The following CAMK1D variants were observed in gnomAD, a reference collection of about 807,000 sequenced individuals.
The protein encoded by CAMK1D is calcium/calmodulin-dependent protein kinase type 1D.
CAMK1D carries 9 observed loss-of-function variants against 47.7 expected under a neutral mutation model. The ratio of observed to expected loss-of-function variants is 0.19; its 90% CI spans 0.11 to 0.33. The LOEUF (loss-of-function observed/expected upper bound fraction) is 0.33, where lower values mean the gene tolerates loss of function less well. Ranked by LOEUF, CAMK1D falls within the 10% of genes least tolerant of loss-of-function variation. The pLI is 1.00. For missense variants in CAMK1D, 291 were observed against 488.7 expected (o/e 0.60, Z 3.81); for synonymous variants, 184 against 184.9 (o/e 0.99, Z 0.04).
chr10:12,660,720 A>G (rs1840250835), intron 2 of CAMK1D, among the ~76,000 whole-genome samples: 1 of 152,220 alleles, frequency 6.6e-6, no homozygotes, highest in Non-Finnish European at 1.5e-5. Context: ...GTGTCAGCTC[A>G]TGCTTACTTT....
At chr10:12,442,000 A>G (rs191817444) in intron 1 of CAMK1D, among the ~76,000 whole-genome samples, 8 of 152,310 alleles carry the variant, frequency 5.3e-5, no homozygotes, top group Admixed American at 1.3e-4. Flanking sequence ...TTCTTGCACA[A>G]TAATGTGGGG....
At chr10:12,569,627 G>A (rs1279615053) in intron 2 of CAMK1D, among the ~76,000 whole-genome samples, 1 of 147,246 alleles carries the variant, frequency 6.8e-6, no homozygotes, top group Non-Finnish European at 1.5e-5. Flanking sequence ...GCTGAGGCAG[G>A]AGAATGGCGT....
intron 2 of CAMK1D, among the ~76,000 whole-genome samples, chr10:12,597,041 G>A (rs1188980993): frequency 6.6e-6 from 1 of 151,958 alleles, no homozygotes; most frequent in Non-Finnish European, 1.5e-5. Context: ...AACGTTTATT[G>A]AGCCCCTTCA....
intron 2 of CAMK1D, among the ~76,000 whole-genome samples, chr10:12,598,996 G>A (rs1838225376): frequency 6.6e-6 from 1 of 152,156 alleles, no homozygotes; most frequent in South Asian, 2.1e-4. Flanking sequence ...GAGTAATGAT[G>A]CACGAGAATG....
chr10:12,817,334 T>A (rs1049793849), intron 8 of CAMK1D, among the ~76,000 whole-genome samples: 1 of 152,284 alleles, frequency 6.6e-6, no homozygotes, highest in African/African-American at 2.4e-5. Context: ...AGTTTATTAC[T>A]CATTAGTTAA....
intron 6 of CAMK1D, among the ~76,000 whole-genome samples, chr10:12,793,054 C>T (rs1838052591): frequency 6.6e-6 from 1 of 152,052 alleles, no homozygotes; most frequent in Non-Finnish European, 1.5e-5. Flanking sequence ...AGACACTGGA[C>T]AGGAGCCCTG....
chr10:12,478,401 A>C (rs369258743), intron 1 of CAMK1D, among the ~76,000 whole-genome samples: 109 of 152,142 alleles, frequency 7.2e-4, no homozygotes, highest in African/African-American at 2.4e-3. Context: ...TCGTGGACTC[A>C]AGCAATTCTC....
chr10:12,675,030 C>CAAAAA (rs771350871), intron 3 of CAMK1D, among the ~76,000 whole-genome samples: 9 of 53,204 alleles, frequency 1.7e-4, no homozygotes, highest in East Asian at 5.2e-4. Flanking sequence ...GACTCCATCT[C>CAAAAA]AAAAAAAAAA....
chr10:12,504,249 C>CACACACACACACACACAT (rs1554779055), intron 1 of CAMK1D, among the ~76,000 whole-genome samples: 1 of 151,698 alleles, frequency 6.6e-6, no homozygotes, highest in Admixed American at 6.6e-5. Context: ...CACACACACA[C>CACACACACACACACACAT]ATCTAGGAGC....
chr10:12,760,625 C>G (rs74359960), intron 3 of CAMK1D: 2,584 of 213,510 alleles, frequency 0.012, 29 homozygotes, highest in East Asian at 0.053. Flanking sequence ...CTTCCTGTAT[C>G]CGAGGACGCT....
At chr10:12,708,596 C>T (rs965262681) in intron 3 of CAMK1D, among the ~76,000 whole-genome samples, 2 of 152,186 alleles carry the variant, frequency 1.3e-5, no homozygotes, top group African/African-American at 4.8e-5. Context: ...AAAGAGTTGA[C>T]GCTTTGCCTG....
chr10:12,792,941 T>A (rs1838042921), intron 6 of CAMK1D, among the ~76,000 whole-genome samples: 1 of 147,190 alleles, frequency 6.8e-6, no homozygotes, highest in East Asian at 2.0e-4. Context: ...TATCCCCTAA[T>A]AAAATCACAT....
chr10:12,822,764 GA>G (rs951683728), intron 8 of CAMK1D, among the ~76,000 whole-genome samples: 5 of 152,104 alleles, frequency 3.3e-5, no homozygotes, highest in African/African-American at 1.2e-4. Context: ...GCTCTCCGGG[GA>G]AAAAAGCTTA....
intron 2 of CAMK1D, among the ~76,000 whole-genome samples, chr10:12,654,895 C>T (rs1205618398): frequency 1.3e-5 from 2 of 152,142 alleles, no homozygotes; most frequent in Admixed American, 6.5e-5. Context: ...CTTGGCTGCA[C>T]GTTTGAATCA....
chr10:12,389,131 G>A (rs776257370), intron 1 of CAMK1D, among the ~76,000 whole-genome samples: 11 of 152,152 alleles, frequency 7.2e-5, no homozygotes, highest in Non-Finnish European at 1.6e-4. Context: ...CTAATTATTT[G>A]GGTTTCTGGT....
intron 1 of CAMK1D, among the ~76,000 whole-genome samples, chr10:12,504,915 G>C (rs910559196): frequency 6.6e-6 from 1 of 152,152 alleles, no homozygotes; most frequent in Non-Finnish European, 1.5e-5. Flanking sequence ...GTGTGGGCCC[G>C]GATCTCTTGC....
intron 1 of CAMK1D, among the ~76,000 whole-genome samples, chr10:12,350,567 C>T (rs1187678494): frequency 9.1e-6 from 1 of 109,746 alleles, no homozygotes; most frequent in Non-Finnish European, 2.2e-5. Flanking sequence ...GCTGCGCGGG[C>T]GGTGCTCTCT....
chr10:12,705,681 C>T (rs1279431463), intron 3 of CAMK1D, among the ~76,000 whole-genome samples: 1 of 152,172 alleles, frequency 6.6e-6, no homozygotes, highest in Non-Finnish European at 1.5e-5. Context: ...AAGGACATTG[C>T]CCCTAACAAG....
At chr10:12,458,728 T>G (rs2132048587) in intron 1 of CAMK1D, among the ~76,000 whole-genome samples, 1 of 152,194 alleles carries the variant, frequency 6.6e-6, no homozygotes, top group East Asian at 1.9e-4. Flanking sequence ...TCACTGCGCC[T>G]GGCCCTTTGA....
Sources: gnomAD v4.1 joint callset for allele counts (sites outside exome capture counted in the v4.1 genomes callset) on GRCh38, gnomAD v4.1.1 for gene constraint, MANE v1.5 for transcripts, NCBI Gene and HGNC (gene_info 2026-07-23, HGNC 2026-07-21) for gene names.